The following FAM180A variants were observed in gnomAD, a reference collection of about 807,000 sequenced individuals.
FAM180A encodes the protein protein FAM180A.
In FAM180A, 14 loss-of-function variants were observed where a neutral mutation model predicts 15.3. The ratio of observed to expected loss-of-function variants is 0.92; its 90% CI spans 0.61 to 1.43. The LOEUF is 1.43. Ranked by LOEUF, FAM180A falls within the 40% of genes most tolerant of loss-of-function variation. The pLI is 0.00. For synonymous variants in FAM180A, 90 were observed against 96.8 expected, an observed-to-expected ratio of 0.93 and a Z score of 0.41; for missense variants, 200 against 220.8, an observed-to-expected ratio of 0.91 and a Z score of 0.60.
chr7:135,742,834 T>A (rs1796971074), intron 1 of FAM180A, among the ~76,000 whole-genome samples: 1 of 152,212 alleles, frequency 6.6e-6, no homozygotes, highest in African/African-American at 2.4e-5. Context: ...ATATGAACTT[T>A]CCATTTTATA....
At position 135,734,032 on chromosome 7, in the gene FAM180A, G is replaced by T; in HGVS notation, c.465C>A (p.Leu155=). Reference sequence around the variant, plus strand: ...TCAAGTCGTGCCTCAGGGCCTGGAAGAGGCTAACGAGGGACTGCGCCCAGA... The same window carrying T: ...TCAAGTCGTGCCTCAGGGCCTGGAATAGGCTAACGAGGGACTGCGCCCAGA... The part of the protein sequence containing the change: ...KDIWAQSLVS[L]FQALRHDLMR... The change falls in exon 3 of 4, where the codon CTC becomes CTA. Residue 155 remains leucine, a synonymous_variant. Coordinates refer to ENST00000338588, the MANE Select transcript of FAM180A (RefSeq NM_205855.4). 6.2e-7 allele frequency: 1 copy of T among 1,614,126 alleles called. No individual in the cohort carries two copies. Among genetic ancestry groups the T allele is most frequent in the Non-Finnish European group, 8.5e-7 (1 of 1,179,978 alleles).
intron 1 of FAM180A, among the ~76,000 whole-genome samples, chr7:135,739,342 G>A (rs1351120012): frequency 6.6e-6 from 1 of 150,876 alleles, no homozygotes; most frequent in Non-Finnish European, 1.5e-5. Flanking sequence ...TGGGCGCGGT[G>A]GCTCACACCT....
At chr7:135,734,386 T>C (rs1796841919) in intron 2 of FAM180A, 67 bp from the exon 3 acceptor site, 7 of 1,437,876 alleles carry the variant, frequency 4.9e-6, no homozygotes, top group Non-Finnish European at 6.6e-6. Context: ...TTGTTCATTA[T>C]CACGCACCTT....
chr7:135,743,791 C>G (rs1422311550), intron 1 of FAM180A, among the ~76,000 whole-genome samples: 1 of 152,146 alleles, frequency 6.6e-6, no homozygotes, highest in African/African-American at 2.4e-5. Flanking sequence ...TTCTCAGTGC[C>G]TAGTATCATG....
chr7:135,733,643 G>A lies in FAM180A; in HGVS notation c.*329+3C>T, dbSNP rs1416591759. The A allele has an allele frequency of 4.7e-6, 5 of 1,068,892 alleles. No individual in the cohort carries two copies. The highest frequency in any genetic ancestry group is 5.6e-6 in the Non-Finnish European group (5 of 885,040). The allele number at this position is 1,068,892 out of a possible 1,614,324, so 66.2% of individuals were successfully genotyped here. A position where few individuals can be genotyped will look rare whatever the true frequency, so the allele number is the denominator to read the frequency against. The stretch of plus-strand genomic sequence containing the variant: ...ATTACAGGCGTGAGCCTCTGTGCCC[G>A]GCCTGTTCTCACTCTTGAGTGTGTG... On this transcript the variant is annotated splice_donor_region_variant and intron_variant, in intron 3 of 3. Transcript: ENST00000338588.
chr7:135,747,820 G>A (rs769060009), intron 1 of FAM180A, among the ~76,000 whole-genome samples: 1 of 152,140 alleles, frequency 6.6e-6, no homozygotes, highest in Non-Finnish European at 1.5e-5. Flanking sequence ...ACTCTGGCTC[G>A]AGGTGCTCCC....
At chr7:135,736,636 G>T (rs1584751073) in intron 2 of FAM180A, among the ~76,000 whole-genome samples, 1 of 152,210 alleles carries the variant, frequency 6.6e-6, no homozygotes, top group Admixed American at 6.5e-5. Flanking sequence ...AAGACAGCCT[G>T]CAGGGTGGTC....
chr7:135,738,977 G>T (rs1056720553), intron 1 of FAM180A, among the ~76,000 whole-genome samples: 14 of 152,186 alleles, frequency 9.2e-5, no homozygotes, highest in African/African-American at 3.4e-4. Flanking sequence ...GTGCCCTTGA[G>T]CCATTGAGAA....
intron 3 of FAM180A, 39 bp from the exon 4 acceptor site, chr7:135,730,320 C>T: frequency 1.2e-6 from 1 of 845,602 alleles, no homozygotes; most frequent in Non-Finnish European, 1.4e-6. Context: ...GGCAGGTGGA[C>T]CACTTGAGGT....
intron 2 of FAM180A, among the ~76,000 whole-genome samples, chr7:135,734,814 T>A (rs1202510805): frequency 3.3e-5 from 5 of 152,238 alleles, no homozygotes; most frequent in African/African-American, 9.6e-5. Context: ...TGTGGGCCCC[T>A]TGCTGTTTCT....
At chr7:135,731,770 A>T (rs3110819) in intron 3 of FAM180A, among the ~76,000 whole-genome samples, 106,151 of 152,088 alleles carry the variant, frequency 0.7, 37,691 homozygotes, top group African/African-American at 0.83. Flanking sequence ...ACCTTCTTCC[A>T]GTGTCCTAGT....
intron 3 of FAM180A, among the ~76,000 whole-genome samples, chr7:135,731,433 T>A (rs891810060): frequency 6.6e-6 from 1 of 151,340 alleles, no homozygotes; most frequent in African/African-American, 2.4e-5. Context: ...TCAGCAGAGA[T>A]AGAGCAAAAG....
chr7:135,736,949 C>A, intron 2 of FAM180A, 150 bp downstream of exon 2: 2 of 666,714 alleles, frequency 3.0e-6, no homozygotes, highest in African/African-American at 1.8e-5. Context: ...TGAGTAGGTT[C>A]TATGACCTCT....
intron 1 of FAM180A, among the ~76,000 whole-genome samples, chr7:135,737,434 A>AG (rs1385700566): frequency 6.6e-6 from 1 of 150,584 alleles, no homozygotes; most frequent in African/African-American, 2.4e-5. Context: ...TAAAATTACA[A>AG]AAAACAGCCG....
intron 1 of FAM180A, among the ~76,000 whole-genome samples, chr7:135,740,290 C>T (rs183154547): frequency 3.7e-4 from 56 of 152,278 alleles, no homozygotes; most frequent in Non-Finnish European, 6.5e-4. Flanking sequence ...GAACACATTA[C>T]GATTTTGTAA....
chr7:135,734,296 G>A lies in FAM180A; in HGVS notation c.201C>T (p.Ile67=). The part of the protein sequence containing the change: ...LYEFLLAELE[I]SPDLQISIKD... Reference sequence around the variant, plus strand: ...TGATGGAGATCTGCAGGTCAGGGCTGATCTCAAGTTCGGCCAGCAGGAACT... The same window carrying A: ...TGATGGAGATCTGCAGGTCAGGGCTAATCTCAAGTTCGGCCAGCAGGAACT... The change falls in exon 3 of 4, where the codon ATC becomes ATT. Residue 67 remains isoleucine (I), a synonymous_variant. Coordinates refer to ENST00000338588, the MANE Select transcript of FAM180A (RefSeq NM_205855.4). The A allele has an allele frequency of 6.3e-7, 1 of 1,597,426 alleles. No homozygotes were observed. The highest frequency in any genetic ancestry group is 8.5e-7 in the Non-Finnish European group (1 of 1,170,434).
chr7:135,739,165 C>G (rs1328521506), intron 1 of FAM180A, among the ~76,000 whole-genome samples: 1 of 151,434 alleles, frequency 6.6e-6, no homozygotes, highest in African/African-American at 2.4e-5. Context: ...CAAAAGTTAG[C>G]TGGGCATGAT....
In FAM180A at chr7:135,734,113, C is replaced by T; in HGVS notation, c.384G>A (p.Leu128=). Residue 128 remains leucine (L), a synonymous_variant, in exon 3 of 4, where the codon CTG becomes CTA. Coordinates refer to ENST00000338588, the MANE Select transcript of FAM180A (RefSeq NM_205855.4). ...TGCGGTAGGCTGTGTAGGCCAGGGTCAGCACTGTCCTTTCAAAGTCTTCTT... is the reference window on the plus strand; with the variant it reads ...TGCGGTAGGCTGTGTAGGCCAGGGTTAGCACTGTCCTTTCAAAGTCTTCTT... ...LKKEDFERTV[L]TLAYTAYRTA... is the part of the protein sequence containing the mutation. 6.2e-7 allele frequency: 1 copy of T among 1,614,194 alleles called. No homozygotes were observed. Among genetic ancestry groups the T allele is most frequent in the Non-Finnish European group, 8.5e-7 (1 of 1,180,050 alleles).
intron 1 of FAM180A, among the ~76,000 whole-genome samples, chr7:135,747,519 TC>T (rs1335716241): frequency 6.6e-6 from 1 of 152,056 alleles, no homozygotes; most frequent in Non-Finnish European, 1.5e-5. Flanking sequence ...TTTGCCTCCC[TC>T]CCATTTCAGA....
Sources: gnomAD v4.1 joint callset for allele counts (sites outside exome capture counted in the v4.1 genomes callset) on GRCh38, gnomAD v4.1.1 for gene constraint, MANE v1.5 for transcripts, NCBI Gene and HGNC (gene_info 2026-07-23, HGNC 2026-07-21) for gene names.